Variants in NLRP1 observed in about 807,000 individuals in gnomAD.
The protein encoded by NLRP1 is NACHT, LRR and PYD domains-containing protein 1.
NLRP1 carries 94 observed loss-of-function variants against 136.7 expected under a neutral mutation model. The observed-to-expected ratio is 0.69, with a 90% confidence interval of 0.58 to 0.82. The LOEUF is 0.82. NLRP1 is among the 40% of genes least tolerant of loss of function. The pLI, the probability that NLRP1 is intolerant of heterozygous loss-of-function variation, is 0.00. For synonymous variants in NLRP1, 690 were observed against 725.1 expected, an observed-to-expected ratio of 0.95 and a Z score of 0.78; for missense variants, 1,575 against 1,802.7, an observed-to-expected ratio of 0.87 and a Z score of 2.29.
At position 5,514,888 on chromosome 17, in the gene NLRP1, A is replaced by G; in HGVS notation, c.4288T>C (p.Phe1430Leu). ...CGGTCCCAGGACTGGCTCAAGCTGA[A>G]CAGCTTCCGCATCTGGCTGGGCCTC... ...NTRPSQMRKL[F>L]SLSQSWDRKC... The change falls in exon 17 of 17, where the codon TTC becomes CTC. Residue 1430 changes from phenylalanine to leucine, a missense_variant. Coordinates refer to ENST00000572272, the MANE Select transcript of NLRP1 (RefSeq NM_033004.4). 1 of 1,614,124 alleles carries G rather than the reference A, an allele frequency of 6.2e-7. No homozygotes were observed. Among genetic ancestry groups the G allele is most frequent in the Non-Finnish European group, 8.5e-7 (1 of 1,180,014 alleles).
chr17:5,521,556 AG>A lies in NLRP1; in HGVS notation c.3750del (p.Tyr1251ThrfsTer2). ...ATGGAGCAGTCACTTGGGATCAGGT[AG>A]AGGTGGAAGGTGACTTCCTCAGGAT... ...RVHPEEVTFH[L>X]YLIPSDCSIR... On this transcript the variant is annotated frameshift_variant, in exon 13 of 17. Transcript: ENST00000572272. LOFTEE classifies it high-confidence loss of function. 1 of 1,614,090 alleles carries A rather than the reference AG, an allele frequency of 6.2e-7. No homozygotes were observed.
At chr17:5,576,510 A>G (rs1159005430) in intron 3 of NLRP1, among the ~76,000 whole-genome samples, 1 of 152,248 alleles carries the variant, frequency 6.6e-6, no homozygotes, top group Non-Finnish European at 1.5e-5. Flanking sequence ...CTACACAAAT[A>G]AACTAGAAAA....
chr17:5,581,771 C>A, intron 3 of NLRP1, 88 bp downstream of exon 3: 1 of 1,101,678 alleles, frequency 9.1e-7, no homozygotes. Flanking sequence ...CTCTGCTTAG[C>A]CTGCCAACCT....
At chr17:5,554,158 G>A (rs1439569238) in intron 4 of NLRP1, among the ~76,000 whole-genome samples, 2 of 152,120 alleles carry the variant, frequency 1.3e-5, no homozygotes, top group Non-Finnish European at 2.9e-5. Context: ...GCTCACATGG[G>A]ACCCTATCCC....
chr17:5,551,417 G>A (rs1243553036), intron 5 of NLRP1, among the ~76,000 whole-genome samples: 1 of 152,130 alleles, frequency 6.6e-6, no homozygotes, highest in Non-Finnish European at 1.5e-5. Flanking sequence ...CACAATTTAT[G>A]AGTCCATTCA....
intron 3 of NLRP1, among the ~76,000 whole-genome samples, chr17:5,562,818 C>T (rs1384463499): frequency 6.6e-6 from 1 of 152,226 alleles, no homozygotes; most frequent in Non-Finnish European, 1.5e-5. Context: ...GAGCACAGAT[C>T]CTGCTGGCAC....
rs373758392 is a variant in NLRP1, at chr17:5,517,350, A to ACC, written c.4057+394_4057+395dup. ...AATAAACTGTGATAGTGCACTCTGC[A>ACC]CCCCCCCCCCTCCCACATACACAGA... On this transcript the variant is annotated intron_variant, in intron 15 of 16. Coordinates refer to ENST00000572272, the MANE Select transcript of NLRP1 (RefSeq NM_033004.4). Among the ~76,000 whole-genome samples the ACC allele has an allele frequency of 2.3e-3, 109 of 47,348 alleles. 1 individual carries two copies. The highest frequency in any genetic ancestry group is 5.8e-3 in the African/African-American group (70 of 12,128). The allele number at this position is 47,348 out of a possible 152,430, so 31.1% of individuals were successfully genotyped here. A position where few individuals can be genotyped will look rare whatever the true frequency, so the allele number is the denominator to read the frequency against.
intron 3 of NLRP1, among the ~76,000 whole-genome samples, chr17:5,561,690 G>A (rs1337282545): frequency 2.3e-5 from 1 of 43,146 alleles, no homozygotes; most frequent in African/African-American, 8.5e-5. Context: ...TGATCCACCC[G>A]CCTCGGCCTC....
rs1908902116 is a variant in NLRP1 at position 5,521,511 on chromosome 17, C to T, written c.3783+13G>A. 6.2e-7 allele frequency: 1 copy of T among 1,609,476 alleles called. No individual in the cohort carries two copies. The highest frequency in any genetic ancestry group is 8.5e-7 in the Non-Finnish European group (1 of 1,177,036). The stretch of plus-strand genomic sequence containing the variant: ...ACCCACCGTGGCCCAGCCTTTCTGG[C>T]TCTTAGTGTCACCTTCCGAATGGAG... On this transcript the variant is annotated intron_variant, in intron 13 of 16. Transcript: ENST00000572272.
rs748534434 is a variant in NLRP1, at chr17:5,559,176, A to G, written c.1520T>C (p.Val507Ala). 1 of 1,614,036 alleles carries G rather than the reference A, an allele frequency of 6.2e-7. No homozygotes were observed. The highest frequency in any genetic ancestry group is 8.5e-7 in the Non-Finnish European group (1 of 1,180,044). Residue 507 changes from valine to alanine, a missense_variant, in exon 4 of 17, where the codon GTC becomes GCC. Physicochemically the swap from Val to Ala is moderately conservative, Grantham distance 64. Transcript: ENST00000572272. ...GGCCCAGAGCTCTTTGTTTGATTTGACCAACCTAAAGGCTCTAATTGCTTG... is the reference window on the plus strand; with the variant it reads ...GGCCCAGAGCTCTTTGTTTGATTTGGCCAACCTAAAGGCTCTAATTGCTTG... ...ERQAIRAFRL[V>A]KSNKELWALC...
At chr17:5,524,186 C>A (rs1171394659) in intron 12 of NLRP1, among the ~76,000 whole-genome samples, 1 of 152,188 alleles carries the variant, frequency 6.6e-6, no homozygotes, top group Non-Finnish European at 1.5e-5. Context: ...CCGCGCCTGG[C>A]CACAGTATAA....
downstream of NLRP1, among the ~76,000 whole-genome samples, chr17:5,511,866 T>C (rs9889320): frequency 0.44 from 65,868 of 150,416 alleles, 15,199 homozygotes; most frequent in East Asian, 0.88. Context: ...TCCTTTTTCT[T>C]TCTCTCTCTT....
At chr17:5,577,263 G>A (rs1905117396) in intron 3 of NLRP1, among the ~76,000 whole-genome samples, 1 of 152,052 alleles carries the variant, frequency 6.6e-6, no homozygotes, top group Non-Finnish European at 1.5e-5. Flanking sequence ...TTCTGGCCAG[G>A]GCAATCAGGC....
intron 3 of NLRP1, among the ~76,000 whole-genome samples, chr17:5,574,710 G>A (rs2151822548): frequency 6.8e-6 from 1 of 147,538 alleles, no homozygotes; most frequent in African/African-American, 2.5e-5. Context: ...CACCCAGGCT[G>A]GAGTGCAGTG....
At chr17:5,510,791 T>C (rs1907586139), downstream of NLRP1, among the ~76,000 whole-genome samples, 1 of 152,172 alleles carries the variant, frequency 6.6e-6, no homozygotes, top group Admixed American at 6.5e-5. Context: ...CCTCTCAAAG[T>C]GCTGGGATTA....
chr17:5,582,908 A>G, intron 1 of NLRP1, 62 bp from the exon 2 acceptor site: 1 of 1,370,996 alleles, frequency 7.3e-7, no homozygotes, highest in East Asian at 2.4e-5. Context: ...GGTGCCAGGG[A>G]ACTGAGCTGG....
chr17:5,581,683 T>A (rs1410059617), intron 3 of NLRP1, among the ~76,000 whole-genome samples, 176 bp downstream of exon 3: 1 of 152,216 alleles, frequency 6.6e-6, no homozygotes. Context: ...AGGTGCCTCC[T>A]GGAAACAGTG....
chr17:5,567,456 A>T (rs1915458870), intron 3 of NLRP1, among the ~76,000 whole-genome samples: 1 of 152,064 alleles, frequency 6.6e-6, no homozygotes, highest in Non-Finnish European at 1.5e-5. Flanking sequence ...ACTAATAAAA[A>T]CTTAACTTCA....
At position 5,559,003 on chromosome 17, in the gene NLRP1, C is replaced by T. The variant is rs371994894; in HGVS notation, c.1693G>A (p.Gly565Arg). ...LAQALQAQPL[G>R]PQLRDLCSLA... ...GAGCAGAGGTCTCTGAGCTGGGGTCCCAATGGCTGAGCTTGGAGAGCCTGG... is the reference window on the plus strand; with the variant it reads ...GAGCAGAGGTCTCTGAGCTGGGGTCTCAATGGCTGAGCTTGGAGAGCCTGG... The change falls in exon 4 of 17, where the codon GGA becomes AGA. Residue 565 changes from glycine to arginine, a missense_variant. Coordinates refer to ENST00000572272, the MANE Select transcript of NLRP1 (RefSeq NM_033004.4). 44 of 1,613,990 alleles carry T rather than the reference C, an allele frequency of 2.7e-5. No homozygotes were observed. In the African/African-American group the frequency reaches 5.2e-4, roughly 19 times the overall value.
Sources: gnomAD v4.1 joint callset for allele counts (sites outside exome capture counted in the v4.1 genomes callset) on GRCh38, gnomAD v4.1.1 for gene constraint, MANE v1.5 for transcripts, NCBI Gene and HGNC (gene_info 2026-07-23, HGNC 2026-07-21) for gene names.